The following IMMP2L variants were observed in gnomAD, a reference collection of about 807,000 sequenced individuals.
The protein encoded by IMMP2L is inner mitochondrial membrane peptidase subunit 2.
A neutral mutation model predicts 19.3 loss-of-function variants in IMMP2L; 18 were observed. The observed-to-expected ratio is 0.93, with a 90% CI of 0.64 to 1.38. The LOEUF (loss-of-function observed/expected upper bound fraction) is 1.38. IMMP2L is among the 40% of genes most tolerant of loss of function. The probability of loss-of-function intolerance (pLI) is 0.00; values close to 1 mark genes in which losing one functional copy is unlikely to be tolerated. For missense variants in IMMP2L, 233 were observed against 218.2 expected (o/e 1.07, Z -0.43); for synonymous variants, 76 against 73.0 (o/e 1.04, Z -0.21).
chr7:111,295,701 A>G (rs898033967), intron 3 of IMMP2L, among the ~76,000 whole-genome samples: 25 of 152,058 alleles, frequency 1.6e-4, no homozygotes, highest in African/African-American at 6.0e-4. Flanking sequence ...CTACCATTTT[A>G]CATACACAAG....
chr7:110,665,596 C>T (rs1303268869), intron 5 of IMMP2L, among the ~76,000 whole-genome samples: 2 of 152,124 alleles, frequency 1.3e-5, no homozygotes, highest in Admixed American at 6.5e-5. Context: ...CATTTAATTT[C>T]TTTTAATCTG....
chr7:111,025,938 C>T (rs1029383819), intron 3 of IMMP2L, among the ~76,000 whole-genome samples: 2 of 152,046 alleles, frequency 1.3e-5, no homozygotes, highest in Non-Finnish European at 2.9e-5. Flanking sequence ...TTATAATAGG[C>T]ATATAACAAG....
At chr7:110,986,354 C>A (rs918723588) in intron 3 of IMMP2L, among the ~76,000 whole-genome samples, 3 of 152,080 alleles carry the variant, frequency 2.0e-5, no homozygotes, top group African/African-American at 7.2e-5. Context: ...TGGTTAGAAA[C>A]CAATTTGATC....
Position 111,512,767 on chromosome 7 carries a change from TAATAG to T in IMMP2L, c.135+8541_135+8545del, listed in dbSNP as rs138751873. ...ATAAAAACAGACATATAGACCAATG[TAATAG>T]AATAGAGAATCCAGAAATAAATGTA... On this transcript the variant is annotated intron_variant, in intron 2 of 5. Coordinates refer to ENST00000405709, the MANE Select transcript of IMMP2L (RefSeq NM_032549.4). 3.5e-3 allele frequency among the ~76,000 whole-genome samples: 529 copies of T among 152,054 alleles called. 7 individuals are homozygous for T. Among genetic ancestry groups the T allele is most frequent in the African/African-American group, 0.012 (511 of 41,498 alleles).
intron 5 of IMMP2L, among the ~76,000 whole-genome samples, chr7:110,713,306 C>T (rs1171849554): frequency 6.6e-6 from 1 of 152,300 alleles, no homozygotes; most frequent in Non-Finnish European, 1.5e-5. Flanking sequence ...CTTTTGGTTA[C>T]TGTGGACTTA....
chr7:111,258,266 C>T (rs1445508468), intron 3 of IMMP2L, among the ~76,000 whole-genome samples: 1 of 152,066 alleles, frequency 6.6e-6, no homozygotes, highest in African/African-American at 2.4e-5. Context: ...TAACATGTCA[C>T]CCCTCATGTG....
chr7:111,469,726 A>G (rs1841037855), intron 3 of IMMP2L, among the ~76,000 whole-genome samples: 1 of 152,208 alleles, frequency 6.6e-6, no homozygotes, highest in South Asian at 2.1e-4. Context: ...AATTAATTCA[A>G]CATGGATTAA....
intron 4 of IMMP2L, among the ~76,000 whole-genome samples, chr7:110,930,962 T>G (rs192795744): frequency 6.6e-6 from 1 of 152,210 alleles, no homozygotes; most frequent in Non-Finnish European, 1.5e-5. Context: ...TAATAAATTA[T>G]GTGATCTTAA....
In IMMP2L at chr7:111,124,194, T is replaced by C. The variant is rs35151795; in HGVS notation, c.240-160629A>G. 6,907 of 1,613,962 alleles carry C rather than the reference T, an allele frequency of 4.3e-3. 206 individuals are homozygous for C. The African/African-American group carries it at 0.073, about 17-fold the overall frequency. On this transcript the variant is annotated intron_variant, in intron 3 of 5. Coordinates refer to ENST00000405709, the MANE Select transcript of IMMP2L (RefSeq NM_032549.4). ...CTAATACCCTGACAGACAAGTTCTA[T>C]GTCCATTCTGAGGGAACACTAGATA...
chr7:111,057,255 T>A (rs1376023573), intron 3 of IMMP2L, among the ~76,000 whole-genome samples: 1 of 152,134 alleles, frequency 6.6e-6, no homozygotes, highest in Non-Finnish European at 1.5e-5. Flanking sequence ...ATGCCTTCCA[T>A]AAGGTAGGCA....
chr7:111,078,619 T>C (rs1490163438), intron 3 of IMMP2L, among the ~76,000 whole-genome samples: 3 of 152,192 alleles, frequency 2.0e-5, no homozygotes, highest in Non-Finnish European at 1.5e-5. Flanking sequence ...ACCAAAGTGG[T>C]ATATACAATA....
At chr7:111,552,541 G>A (rs576530057) in intron 1 of IMMP2L, among the ~76,000 whole-genome samples, 4 of 152,282 alleles carry the variant, frequency 2.6e-5, no homozygotes, top group African/African-American at 9.6e-5. Context: ...ACCTGCCTCG[G>A]CCTCCCAAAG....
chr7:111,529,481 G>A, intron 1 of IMMP2L, among the ~76,000 whole-genome samples: 1 of 152,196 alleles, frequency 6.6e-6, no homozygotes, highest in African/African-American at 2.4e-5. Context: ...TTTAGAACAT[G>A]AATACCAGTA....
intron 3 of IMMP2L, among the ~76,000 whole-genome samples, chr7:111,395,569 A>G (rs1832783184): frequency 6.6e-6 from 1 of 152,178 alleles, no homozygotes. Flanking sequence ...AAGCAAACAC[A>G]ATACAGCTTT....
intron 5 of IMMP2L, among the ~76,000 whole-genome samples, chr7:110,701,661 G>A (rs956840682): frequency 9.2e-5 from 14 of 152,084 alleles, no homozygotes; most frequent in Non-Finnish European, 1.8e-4. Context: ...CTGACCTCAG[G>A]TGATCCGCCT....
intron 3 of IMMP2L, among the ~76,000 whole-genome samples, chr7:111,485,294 C>A (rs1268416174): frequency 1.3e-5 from 2 of 152,002 alleles, no homozygotes; most frequent in Non-Finnish European, 2.9e-5. Context: ...TAGCACATAA[C>A]TGAGTCATTA....
At chr7:111,476,247 G>T (rs972760408) in intron 3 of IMMP2L, among the ~76,000 whole-genome samples, 1 of 152,162 alleles carries the variant, frequency 6.6e-6, no homozygotes, top group Non-Finnish European at 1.5e-5. Flanking sequence ...CCATAGTCTT[G>T]CACTGAAGAA....
rs1800779096 is a variant in IMMP2L at position 111,122,567 on chromosome 7, T to A, written c.240-159002A>T. ...TTATATCATTAAGGAAATAGTAACC[T>A]TCTCTTCTCCAATATGCATGACATT... On this transcript the variant is annotated intron_variant, in intron 3 of 5. Transcript: ENST00000405709. 5.4e-6 allele frequency: 3 copies of A among 552,144 alleles called. No individual in the cohort carries two copies. In the South Asian group the frequency reaches 7.9e-5, roughly 15 times the overall value. 34.2% of individuals were successfully genotyped at this position (552,144 alleles called of 1,614,324 possible). A position where few individuals can be genotyped will look rare whatever the true frequency, so the allele number is the denominator to read the frequency against.
At chr7:111,154,311 C>G (rs1464247140) in intron 3 of IMMP2L, among the ~76,000 whole-genome samples, 1 of 151,908 alleles carries the variant, frequency 6.6e-6, no homozygotes, top group Non-Finnish European at 1.5e-5. Flanking sequence ...TTCTAAAGTC[C>G]TGCTAGAAAC....
Sources: allele counts gnomAD v4.1 joint callset (sites outside exome capture counted in the v4.1 genomes callset), GRCh38; gene constraint gnomAD v4.1.1; transcripts MANE v1.5; gene names NCBI Gene and HGNC (gene_info 2026-07-23, HGNC 2026-07-21).